Variants in ADAM17 observed in about 807,000 individuals in gnomAD.
ADAM17 encodes the protein ADAM metallopeptidase domain 17.
ADAM17 carries 39 observed loss-of-function variants against 96.7 expected under a neutral mutation model. The observed-to-expected ratio is 0.40, with a 90% CI of 0.31 to 0.53. The LOEUF (loss-of-function observed/expected upper bound fraction) is 0.53, where lower values mean the gene tolerates loss of function less well. Ranked by LOEUF, ADAM17 falls within the 20% of genes least tolerant of loss-of-function variation. The pLI, the probability that ADAM17 is intolerant of heterozygous loss-of-function variation, is 0.44. For missense variants in ADAM17, 777 were observed against 1,013.2 expected, an observed-to-expected ratio of 0.77 and a Z score of 3.17; for synonymous variants, 344 against 359.2, an observed-to-expected ratio of 0.96 and a Z score of 0.48.
At chr2:9,553,151 C>A (rs932557722) in intron 1 of ADAM17, among the ~76,000 whole-genome samples, 3 of 152,144 alleles carry the variant, frequency 2.0e-5, no homozygotes, top group African/African-American at 4.8e-5. Context: ...CTTCCTGAGA[C>A]TCATTTTCCT....
intron 2 of ADAM17, among the ~76,000 whole-genome samples, chr2:9,541,487 C>T (rs1165771194): frequency 3.3e-5 from 5 of 152,094 alleles, no homozygotes; most frequent in African/African-American, 9.7e-5. Context: ...TGCTTGAACC[C>T]GAGAGGTGGA....
At chr2:9,512,132 T>G (rs1486268273) in intron 10 of ADAM17, among the ~76,000 whole-genome samples, 1 of 152,126 alleles carries the variant, frequency 6.6e-6, no homozygotes, top group African/African-American at 2.4e-5. Flanking sequence ...CATGTTCATA[T>G]TAAAACCGTA....
Position 9,494,655 on chromosome 2 carries a change from T to C in ADAM17, c.1896A>G (p.Val632=). The change falls in exon 15 of 19, where the codon GTA becomes GTG. Residue 632 remains valine (V), a synonymous_variant. Transcript: ENST00000310823. The part of the protein sequence containing the change: ...LFLRKGKPCT[V]GFCDMNGKCE... ...TACTCACATTCATGTCACAAAATCC[T>C]ACTGTACAGGGCTTTCCTTTCCTCA... 1 of 1,614,054 alleles carries C rather than the reference T, an allele frequency of 6.2e-7. No homozygotes were observed. The highest frequency in any genetic ancestry group is 8.5e-7 in the Non-Finnish European group (1 of 1,179,922).
At chr2:9,515,945 T>C (rs1664035968) in intron 10 of ADAM17, among the ~76,000 whole-genome samples, 1 of 152,102 alleles carries the variant, frequency 6.6e-6, no homozygotes. Context: ...CTTAAAGTTT[T>C]TTATAGAAAT....
At chr2:9,549,743 T>G (rs928276007) in intron 1 of ADAM17, among the ~76,000 whole-genome samples, 1 of 152,178 alleles carries the variant, frequency 6.6e-6, no homozygotes, top group African/African-American at 2.4e-5. Flanking sequence ...GGTCTCAAAC[T>G]CCTGGGCTCA....
intron 14 of ADAM17, 181 bp from the exon 15 acceptor site, chr2:9,494,948 G>T: frequency 1.6e-6 from 1 of 615,294 alleles, no homozygotes; most frequent in Non-Finnish European, 2.6e-6. Flanking sequence ...ACACTCCTCA[G>T]CCTTCAGTGA....
intron 13 of ADAM17, among the ~76,000 whole-genome samples, chr2:9,498,017 A>G (rs554409316): frequency 6.6e-6 from 1 of 152,276 alleles, no homozygotes; most frequent in South Asian, 2.1e-4. Context: ...TATTTCTTAA[A>G]TAAATCAATT....
At chr2:9,499,278 C>T (rs964657903) in intron 13 of ADAM17, among the ~76,000 whole-genome samples, 1 of 151,896 alleles carries the variant, frequency 6.6e-6, no homozygotes, top group African/African-American at 2.4e-5. Context: ...GTTTTACTTA[C>T]GTTTATTTAA....
Position 9,498,863 on chromosome 2 carries a change from T to A in ADAM17, c.1649-1615A>T, listed in dbSNP as rs576209639. On this transcript the variant is annotated intron_variant, in intron 13 of 18. Transcript: ENST00000310823. ...AGCATCTGTTCTTAAAAGACTAAAG[T>A]CAGAGTATTAGACAGGTAGGAAAAT... 2.0e-5 allele frequency among the ~76,000 whole-genome samples: 3 copies of A among 152,270 alleles called. No homozygotes were observed. The South Asian group carries it at 6.2e-4, about 32-fold the overall frequency.
intron 14 of ADAM17, 63 bp from the exon 15 acceptor site, chr2:9,494,830 C>T (rs1450726637): frequency 1.9e-6 from 3 of 1,589,204 alleles, no homozygotes; most frequent in East Asian, 2.2e-5. Context: ...CTCCTGCCTC[C>T]TCTTTCCTCC....
At chr2:9,519,268 T>C (rs967522356) in intron 8 of ADAM17, among the ~76,000 whole-genome samples, 2 of 152,140 alleles carry the variant, frequency 1.3e-5, no homozygotes, top group African/African-American at 4.8e-5. Context: ...GAAGTGTGGT[T>C]ACATGGGGAT....
intron 1 of ADAM17, among the ~76,000 whole-genome samples, chr2:9,553,987 C>G (rs1188626995): frequency 6.6e-6 from 1 of 151,994 alleles, no homozygotes; most frequent in East Asian, 1.9e-4. Flanking sequence ...GCTTGAACCC[C>G]GGGAGGCGGA....
chr2:9,495,110 G>A (rs1662472155), intron 14 of ADAM17, among the ~76,000 whole-genome samples: 8 of 152,186 alleles, frequency 5.3e-5, no homozygotes, highest in Admixed American at 5.2e-4. Context: ...TCACCCTGCT[G>A]ACTTCAATCC....
Position 9,516,586 on chromosome 2 carries a change from AAAAC to A in ADAM17, c.1191+1311_1191+1314del, listed in dbSNP as rs758046216. 4.7e-4 allele frequency among the ~76,000 whole-genome samples: 72 copies of A among 152,014 alleles called. 1 individual carries two copies. The highest frequency in any genetic ancestry group is 7.9e-4 in the Admixed American group (12 of 15,260). On this transcript the variant is annotated intron_variant, in intron 10 of 18. Coordinates refer to ENST00000310823, the MANE Select transcript of ADAM17 (RefSeq NM_003183.6). ...GCCAACATGGTGAAACCCTGTCTCT[AAAAC>A]AAAAATACAAAAATTAGCCAGGCGT...
chr2:9,533,314 C>T (rs868747940), intron 4 of ADAM17, among the ~76,000 whole-genome samples: 2 of 152,052 alleles, frequency 1.3e-5, no homozygotes, highest in African/African-American at 4.8e-5. Context: ...TTTCAGAGGC[C>T]GAGGCTGGCA....
At position 9,523,140 on chromosome 2, in the gene ADAM17, A is replaced by C. The variant is rs1455104430; in HGVS notation, c.843+109T>G. 4.0e-6 allele frequency: 3 copies of C among 757,774 alleles called. No individual in the cohort carries two copies. The African/African-American group carries it at 5.4e-5, about 14-fold the overall frequency. The allele number at this position is 757,774 out of a possible 1,614,324, so 46.9% of individuals were successfully genotyped here. A position where few individuals can be genotyped will look rare whatever the true frequency, so the allele number is the denominator to read the frequency against. ...ATAAAAAATCATTGGCATCTGAGAAAACTTATTTACAATTATTGTTAAGGA... is the reference window on the plus strand; with the variant it reads ...ATAAAAAATCATTGGCATCTGAGAACACTTATTTACAATTATTGTTAAGGA... On this transcript the variant is annotated intron_variant, in intron 7 of 18. Coordinates refer to ENST00000310823, the MANE Select transcript of ADAM17 (RefSeq NM_003183.6).
intron 1 of ADAM17, among the ~76,000 whole-genome samples, chr2:9,550,682 T>C (rs887110556): frequency 4.0e-5 from 6 of 151,752 alleles, no homozygotes; most frequent in Admixed American, 3.9e-4. Context: ...TGGCCTCAAG[T>C]CATCCGCCGG....
intron 4 of ADAM17, among the ~76,000 whole-genome samples, chr2:9,535,320 G>C (rs1664914761): frequency 1.3e-5 from 2 of 152,144 alleles, no homozygotes; most frequent in Non-Finnish European, 2.9e-5. Flanking sequence ...ATATCTGACA[G>C]ATAGATATGT....
intron 7 of ADAM17, chr2:9,521,712 T>C (rs1037002134): frequency 1.3e-5 from 2 of 152,456 alleles, no homozygotes; most frequent in East Asian, 3.8e-4. Context: ...GTCTTCTCCT[T>C]ATACAGGCAT....
Sources: gnomAD v4.1 joint callset for allele counts (sites outside exome capture counted in the v4.1 genomes callset) on GRCh38, gnomAD v4.1.1 for gene constraint, MANE v1.5 for transcripts, NCBI Gene and HGNC (gene_info 2026-07-23, HGNC 2026-07-21) for gene names.